APLP2: variants seen among roughly 807,000 people sequenced by gnomAD.
APLP2 encodes the protein CDEI box-binding protein.
In APLP2, 53 loss-of-function variants were observed where a neutral mutation model predicts 89.9. That is an observed-to-expected ratio of 0.59 (90% CI 0.47 to 0.74). The LOEUF (loss-of-function observed/expected upper bound fraction) is 0.74. Ranked by LOEUF, APLP2 falls within the 30% of genes least tolerant of loss-of-function variation. APLP2 has a pLI of 0.00. For synonymous variants in APLP2, 372 were observed against 348.6 expected (o/e 1.07, Z -0.75); for missense variants, 973 against 975.9 (o/e 1.00, Z 0.04).
At chr11:130,083,390 T>A (rs1192862409) in intron 1 of APLP2, among the ~76,000 whole-genome samples, 1 of 152,068 alleles carries the variant, frequency 6.6e-6, no homozygotes, top group Non-Finnish European at 1.5e-5. Flanking sequence ...AAATTTTAAG[T>A]GCACAATGCA....
intron 1 of APLP2, among the ~76,000 whole-genome samples, chr11:130,090,269 AAATTT>A (rs1169812836): frequency 1.2e-5 from 1 of 83,548 alleles, no homozygotes; most frequent in African/African-American, 4.8e-5. Flanking sequence ...TTTTTTTTTT[AAATTT>A]ATTTTTTTAT....
At chr11:130,102,947 G>A (rs952922162) in intron 1 of APLP2, among the ~76,000 whole-genome samples, 5 of 152,196 alleles carry the variant, frequency 3.3e-5, no homozygotes, top group Admixed American at 2.6e-4. Flanking sequence ...AGCCTTAAAA[G>A]TGCTGCAGTA....
At chr11:130,073,207 A>T (rs1191639148) in intron 1 of APLP2, among the ~76,000 whole-genome samples, 1 of 152,242 alleles carries the variant, frequency 6.6e-6, no homozygotes, top group Admixed American at 6.5e-5. Flanking sequence ...TTAAAATCTC[A>T]ATTTTTGTAT....
chr11:130,086,099 A>G (rs1039814870), intron 1 of APLP2, among the ~76,000 whole-genome samples: 1 of 152,238 alleles, frequency 6.6e-6, no homozygotes, highest in Non-Finnish European at 1.5e-5. Context: ...CTGTGCTTAA[A>G]TTTTTGAGAA....
intron 13 of APLP2, among the ~76,000 whole-genome samples, chr11:130,140,090 G>C (rs761943577): frequency 7.2e-5 from 11 of 152,090 alleles, no homozygotes; most frequent in Non-Finnish European, 1.0e-4. Flanking sequence ...GATGCCCCTC[G>C]GCTCCGCTTC....
At chr11:130,091,548 C>T (rs1162843368) in intron 1 of APLP2, among the ~76,000 whole-genome samples, 3 of 141,230 alleles carry the variant, frequency 2.1e-5, no homozygotes, top group African/African-American at 8.1e-5. Context: ...GGGGGCTGAC[C>T]CCCCCACCTC....
At chr11:130,086,243 G>C (rs1162230709) in intron 1 of APLP2, among the ~76,000 whole-genome samples, 1 of 152,194 alleles carries the variant, frequency 6.6e-6, no homozygotes, top group Non-Finnish European at 1.5e-5. Flanking sequence ...AATGGGCGTG[G>C]AGCGGTGTCT....
chr11:130,099,681 T>C (rs1031166874), intron 1 of APLP2, among the ~76,000 whole-genome samples: 3 of 152,252 alleles, frequency 2.0e-5, no homozygotes, highest in Non-Finnish European at 2.9e-5. Context: ...GCTTTCCTCA[T>C]GTCCATAGTT....
intron 1 of APLP2, among the ~76,000 whole-genome samples, chr11:130,097,065 T>C (rs1565566051): frequency 6.6e-6 from 1 of 152,266 alleles, no homozygotes; most frequent in Non-Finnish European, 1.5e-5. Context: ...TGATTTACTT[T>C]TAAATTTAAA....
chr11:130,100,219 A>T (rs1185736825), intron 1 of APLP2: 1 of 152,272 alleles, frequency 6.6e-6, no homozygotes, highest in African/African-American at 2.4e-5. Flanking sequence ...GAACTCTGTC[A>T]TGGTGTGTCT....
chr11:130,070,666 C>A, intron 1 of APLP2: 1 of 1,476,938 alleles, frequency 6.8e-7, no homozygotes, highest in Non-Finnish European at 8.9e-7. Flanking sequence ...GCTCCCTCTG[C>A]CGCCTGGGGC....
chr11:130,112,143 G>A (rs1395215790), intron 3 of APLP2, among the ~76,000 whole-genome samples: 2 of 152,152 alleles, frequency 1.3e-5, no homozygotes, highest in Admixed American at 6.5e-5. Flanking sequence ...GGCACCTCGG[G>A]GCATTGAAGC....
chr11:130,105,232 A>G (rs776981064), intron 1 of APLP2, among the ~76,000 whole-genome samples: 10 of 152,210 alleles, frequency 6.6e-5, no homozygotes, highest in Non-Finnish European at 1.0e-4. Context: ...GGGCAACACA[A>G]TGAGACCCCA....
chr11:130,094,931 G>T (rs1945990848), intron 1 of APLP2, among the ~76,000 whole-genome samples: 1 of 152,266 alleles, frequency 6.6e-6, no homozygotes, highest in Admixed American at 6.5e-5. Context: ...GGGTCAGCTA[G>T]TGTGTCTGAC....
intron 1 of APLP2, among the ~76,000 whole-genome samples, chr11:130,077,291 A>C (rs1193231402): frequency 1.3e-5 from 2 of 152,236 alleles, no homozygotes; most frequent in Non-Finnish European, 2.9e-5. Flanking sequence ...AATGGTGAAG[A>C]ATGTGAAAAA....
intron 9 of APLP2, 101 bp downstream of exon 9, chr11:130,127,941 T>C (rs1565594318): frequency 1.0e-6 from 1 of 959,674 alleles, no homozygotes; most frequent in African/African-American, 1.6e-5. Flanking sequence ...CCACCTCCTT[T>C]TAGGTGAGGG....
At chr11:130,099,133 C>G (rs942047780) in intron 1 of APLP2, among the ~76,000 whole-genome samples, 13 of 152,140 alleles carry the variant, frequency 8.5e-5, no homozygotes, top group African/African-American at 3.1e-4. Flanking sequence ...TCTGAGGCCT[C>G]CTGCCTTCCT....
chr11:130,137,853 T>C (rs560088920), intron 13 of APLP2, among the ~76,000 whole-genome samples: 1 of 151,402 alleles, frequency 6.6e-6, no homozygotes, highest in Non-Finnish European at 1.5e-5. Flanking sequence ...GTACTGAGTC[T>C]CCAGTTTTCA....
rs192065732 is a variant in APLP2, at chr11:130,070,894, G to A, written c.105+812G>A. On this transcript the variant is annotated intron_variant, in intron 1 of 16. Transcript: ENST00000338167. Reference sequence around the variant, plus strand: ...GTCGCACCCTGAGCATCCCCGCTGCGAGAAAGGCGAAGCGGCAGGGCCGGG... The same window carrying A: ...GTCGCACCCTGAGCATCCCCGCTGCAAGAAAGGCGAAGCGGCAGGGCCGGG... The A allele has an allele frequency of 4.0e-3, 2,388 of 594,500 alleles. 14 individuals are homozygous for A. Among genetic ancestry groups the A allele is most frequent in the Admixed American group, 6.7e-3 (114 of 17,016 alleles). The allele number at this position is 594,500 out of a possible 1,614,324, so 36.8% of individuals were successfully genotyped here. A position where few individuals can be genotyped will look rare whatever the true frequency, so the allele number is the denominator to read the frequency against.
Sources: allele counts gnomAD v4.1 joint callset (sites outside exome capture counted in the v4.1 genomes callset), GRCh38; gene constraint gnomAD v4.1.1; transcripts MANE v1.5; gene names NCBI Gene and HGNC (gene_info 2026-07-23, HGNC 2026-07-21).